TBC1D5: variants seen among roughly 807,000 people sequenced by gnomAD.
TBC1D5 encodes the protein TBC1 domain family member 5, also known as TBC1 domain family, member 5.
Under a neutral mutation model 100.3 loss-of-function variants are expected in TBC1D5, and 75 were observed. The ratio of observed to expected loss-of-function variants is 0.75; its 90% CI spans 0.62 to 0.91. The LOEUF (loss-of-function observed/expected upper bound fraction) is 0.91, where lower values mean the gene tolerates loss of function less well. TBC1D5 is among the 40% of genes least tolerant of loss of function. The pLI, the probability that TBC1D5 is intolerant of heterozygous loss-of-function variation, is 0.00. For synonymous variants in TBC1D5, 323 were observed against 325.6 expected (o/e 0.99, Z 0.09); for missense variants, 910 against 942.4 (o/e 0.97, Z 0.45).
chr3:17,684,627 G>T (rs560878493), intron 1 of TBC1D5, among the ~76,000 whole-genome samples: 16 of 152,054 alleles, frequency 1.1e-4, no homozygotes, highest in African/African-American at 3.9e-4. Flanking sequence ...TCTTAAATTT[G>T]ATTAAAAATA....
rs559814825 is a variant in TBC1D5, at chr3:17,543,235, C to T, written c.-35-34630G>A. Reference sequence around the variant, plus strand: ...TGCATAAAACATTTCTAGAGAGACACAACAGGGATTAATGATTTCCCATAA... The same window carrying T: ...TGCATAAAACATTTCTAGAGAGACATAACAGGGATTAATGATTTCCCATAA... On this transcript the variant is annotated intron_variant, in intron 2 of 21. Coordinates refer to ENST00000253692, the Ensembl canonical transcript of TBC1D5. Among the ~76,000 whole-genome samples, 30 of 152,246 alleles carry T rather than the reference C, an allele frequency of 2.0e-4. No individual in the cohort carries two copies. In the South Asian group the frequency reaches 6.2e-3, roughly 32 times the overall value.
At chr3:17,165,223 C>T (rs1173823771) in intron 21 of TBC1D5, among the ~76,000 whole-genome samples, 1 of 152,202 alleles carries the variant, frequency 6.6e-6, no homozygotes, top group Non-Finnish European at 1.5e-5. Flanking sequence ...CTTATAAATA[C>T]AGAAACCAGG....
intron 1 of TBC1D5, among the ~76,000 whole-genome samples, chr3:17,719,209 T>A (rs1221443764): frequency 3.3e-5 from 5 of 152,170 alleles, no homozygotes. Context: ...CATCAACTAA[T>A]AACACTGGTC....
chr3:17,348,699 C>A (rs2090207026), intron 13 of TBC1D5, among the ~76,000 whole-genome samples: 1 of 152,084 alleles, frequency 6.6e-6, no homozygotes, highest in Non-Finnish European at 1.5e-5. Flanking sequence ...TCTAATAATC[C>A]TTTATTAGCC....
intron 1 of TBC1D5, among the ~76,000 whole-genome samples, chr3:17,653,774 G>C (rs2065805362): frequency 6.6e-6 from 1 of 152,012 alleles, no homozygotes; most frequent in Non-Finnish European, 1.5e-5. Context: ...CTGGGAGAAG[G>C]GTACTATTTC....
At chr3:17,212,549 C>T (rs1187594352) in intron 18 of TBC1D5, among the ~76,000 whole-genome samples, 3 of 151,912 alleles carry the variant, frequency 2.0e-5, no homozygotes, top group Non-Finnish European at 4.4e-5. Flanking sequence ...GCAGGTCCTT[C>T]AGGAAGTATT....
intron 13 of TBC1D5, among the ~76,000 whole-genome samples, chr3:17,353,108 G>A (rs1008557015): frequency 6.6e-6 from 1 of 151,980 alleles, no homozygotes; most frequent in Non-Finnish European, 1.5e-5. Flanking sequence ...ATTTGGCTCT[G>A]GGAAAAGAAA....
intron 2 of TBC1D5, among the ~76,000 whole-genome samples, chr3:17,534,959 A>G (rs775665303): frequency 5.3e-5 from 8 of 152,170 alleles, no homozygotes; most frequent in Non-Finnish European, 7.4e-5. Flanking sequence ...TTTTTTGAAG[A>G]AGACTATTTC....
At chr3:17,448,764 A>G (rs2094856496) in intron 3 of TBC1D5, among the ~76,000 whole-genome samples, 1 of 151,640 alleles carries the variant, frequency 6.6e-6, no homozygotes, top group South Asian at 2.1e-4. Flanking sequence ...CTATTTACAG[A>G]GCACAGTGAG....
chr3:17,577,094 T>C (rs931626480), intron 2 of TBC1D5, among the ~76,000 whole-genome samples: 7 of 151,854 alleles, frequency 4.6e-5, no homozygotes, highest in African/African-American at 1.7e-4. Context: ...AAAAGGCTAT[T>C]ATATGTACAA....
exon 22 of TBC1D5, chr3:17,160,722 G>T: frequency 2.0e-6 from 1 of 512,654 alleles, no homozygotes; most frequent in Non-Finnish European, 3.5e-6. Context: ...CAGAGCAAGA[G>T]TCGGGTGGGG....
At chr3:17,590,428 C>T (rs2096759482) in intron 2 of TBC1D5, among the ~76,000 whole-genome samples, 1 of 152,148 alleles carries the variant, frequency 6.6e-6, no homozygotes, top group African/African-American at 2.4e-5. Context: ...TTGGAAATAC[C>T]TGATCTCCCT....
intron 13 of TBC1D5, among the ~76,000 whole-genome samples, chr3:17,359,439 T>A (rs1247334798): frequency 6.6e-6 from 1 of 152,086 alleles, no homozygotes; most frequent in Non-Finnish European, 1.5e-5. Context: ...CCGGTAAAAC[T>A]CTGTCCTTAA....
At chr3:17,185,064 T>C (rs1290038794) in intron 19 of TBC1D5, 45 bp downstream of exon 20, 12 of 1,556,280 alleles carry the variant, frequency 7.7e-6, no homozygotes, top group South Asian at 4.5e-5. Context: ...GTGGCTATTA[T>C]TGTGATGAGT....
chr3:17,656,771 T>C (rs1240199340), intron 1 of TBC1D5, among the ~76,000 whole-genome samples: 1 of 152,148 alleles, frequency 6.6e-6, no homozygotes, highest in African/African-American at 2.4e-5. Context: ...CTTTCATATG[T>C]TTTTTCGCTA....
intron 16 of TBC1D5, among the ~76,000 whole-genome samples, 195 bp downstream of exon 16, chr3:17,258,311 T>A (rs1013799382): frequency 6.6e-6 from 1 of 152,162 alleles, no homozygotes; most frequent in African/African-American, 2.4e-5. Flanking sequence ...TATATTTATT[T>A]TTCGTCTTAC....
chr3:17,492,510 C>T (rs2095651789), intron 3 of TBC1D5, among the ~76,000 whole-genome samples: 1 of 152,102 alleles, frequency 6.6e-6, no homozygotes, highest in Non-Finnish European at 1.5e-5. Flanking sequence ...CCTTGGCTCA[C>T]CACAACCTCC....
At chr3:17,220,403 G>A (rs2074140660) in intron 17 of TBC1D5, among the ~76,000 whole-genome samples, 1 of 152,102 alleles carries the variant, frequency 6.6e-6, no homozygotes, top group East Asian at 1.9e-4. Context: ...GATAACTAGA[G>A]AGGCTGAGTA....
intron 15 of TBC1D5, among the ~76,000 whole-genome samples, chr3:17,275,610 AT>A (rs1316734382): frequency 6.6e-6 from 1 of 152,186 alleles, no homozygotes; most frequent in Non-Finnish European, 1.5e-5. Flanking sequence ...ACTTGATTAT[AT>A]CCCTTGTATG....
Sources: allele counts gnomAD v4.1 joint callset (sites outside exome capture counted in the v4.1 genomes callset), GRCh38; gene constraint gnomAD v4.1.1; transcripts MANE v1.5; gene names NCBI Gene and HGNC (gene_info 2026-07-23, HGNC 2026-07-21).